DNAH17: variants seen among roughly 807,000 people sequenced by gnomAD.
The protein encoded by DNAH17 is dynein axonemal heavy chain 17, also known as axonemal beta dynein heavy chain 17.
DNAH17 carries 376 observed loss-of-function variants against 485.6 expected under a neutral mutation model. That is an observed-to-expected ratio of 0.77 (90% CI 0.71 to 0.84). DNAH17 has a LOEUF of 0.84. DNAH17 is among the 40% of genes least tolerant of loss of function. The probability of loss-of-function intolerance (pLI) is 0.00; values close to 1 mark genes in which losing one functional copy is unlikely to be tolerated. For missense variants in DNAH17, 6,370 were observed against 5,839.3 expected (o/e 1.09, Z -2.96); for synonymous variants, 3,031 against 2,405.9 (o/e 1.26, Z -7.60).
chr17:78,423,855 G>A lies in DNAH17; in HGVS notation c.*51C>T. ...TAAGTCACAGGTGCACAGGTGAAGG[G>A]CTGAGTTGTGGTCCAGCCCCAGGGA... On this transcript the variant is annotated 3_prime_UTR_variant, in exon 81 of 81. Transcript: ENST00000389840. 1 of 1,604,182 alleles carries A rather than the reference G, an allele frequency of 6.2e-7. No homozygotes were observed. Among genetic ancestry groups the A allele is most frequent in the Non-Finnish European group, 8.5e-7 (1 of 1,173,418 alleles).
chr17:78,534,205 G>C (rs747803823), intron 19 of DNAH17, among the ~76,000 whole-genome samples: 7 of 152,218 alleles, frequency 4.6e-5, no homozygotes, highest in Non-Finnish European at 8.8e-5. Flanking sequence ...CCAGACAACT[G>C]AAGACAGCCT....
chr17:78,508,966 G>A (rs1405915788), intron 27 of DNAH17, among the ~76,000 whole-genome samples: 1 of 110,878 alleles, frequency 9.0e-6, no homozygotes. Flanking sequence ...CATGTGCCCA[G>A]CTGTTTTTTT....
chr17:78,562,308 G>C (rs1267637834), intron 11 of DNAH17, among the ~76,000 whole-genome samples: 1 of 152,132 alleles, frequency 6.6e-6, no homozygotes, highest in Non-Finnish European at 1.5e-5. Context: ...AATAGGCTGA[G>C]CACCATGGCT....
rs759905197 is a variant in DNAH17, at chr17:78,427,090, C to T, written c.12607G>A (p.Asp4203Asn). 32 of 1,578,068 alleles carry T rather than the reference C, an allele frequency of 2.0e-5. No homozygotes were observed. The highest frequency in any genetic ancestry group is 1.7e-4 in the Middle Eastern group (1 of 6,048). Residue 4203 changes from aspartate (D) to asparagine (N), a missense_variant, in exon 78 of 81, where the codon GAC becomes AAC. Transcript: ENST00000389840. ...REEKVKAVLD[D>N]ILEKIPETFN... is the part of the protein sequence containing the mutation. ...GTCTCCGGAATCTTCTCCAGGATGT[C>T]GTCCAGCACGGCCTTCACCTGGAAG...
In DNAH17 at chr17:78,494,456, C is replaced by G. The variant is rs2089991051; in HGVS notation, c.6270+137G>C. 6 of 1,066,802 alleles carry G rather than the reference C, an allele frequency of 5.6e-6. No homozygotes were observed. In the Admixed American group the frequency reaches 1.5e-4, roughly 26 times the overall value. 66.1% of individuals were successfully genotyped at this position (1,066,802 alleles called of 1,614,324 possible). A position where few individuals can be genotyped will look rare whatever the true frequency, so the allele number is the denominator to read the frequency against. On this transcript the variant is annotated intron_variant, in intron 40 of 80. Coordinates refer to ENST00000389840, the MANE Select transcript of DNAH17 (RefSeq NM_173628.4). ...GGGCTGGCCAGGGCCACGGAGGCAG[C>G]TGTGGCTCAGAGGTCTCTTTGTAGC...
At chr17:78,458,799 G>T in intron 61 of DNAH17, 119 bp from the exon 62 acceptor site, 2 of 1,100,362 alleles carry the variant, frequency 1.8e-6, no homozygotes, top group South Asian at 2.7e-5. Flanking sequence ...CACAAAGGCT[G>T]AGAGCCCTCT....
chr17:78,573,335 T>G lies in DNAH17; in HGVS notation c.346-441A>C, dbSNP rs763580431. On this transcript the variant is annotated intron_variant, in intron 2 of 80. Transcript: ENST00000389840. ...AGTAAGGGCTGGGGGCGGTAGCTCA[T>G]ACCTGTAAATCCTAGGACTTAGGGA... Among the ~76,000 whole-genome samples, 4 of 152,212 alleles carry G rather than the reference T, an allele frequency of 2.6e-5. No individual in the cohort carries two copies. In the East Asian group the frequency reaches 7.8e-4, roughly 30 times the overall value.
At chr17:78,449,641 T>C in intron 68 of DNAH17, 57 bp from the exon 69 acceptor site, 2 of 1,493,528 alleles carry the variant, frequency 1.3e-6, no homozygotes, top group Admixed American at 4.1e-5. Context: ...CCTTCACCAC[T>C]CCCCGCCACC....
At chr17:78,518,379 G>C (rs1195904348) in intron 25 of DNAH17, among the ~76,000 whole-genome samples, 1 of 152,242 alleles carries the variant, frequency 6.6e-6, no homozygotes, top group African/African-American at 2.4e-5. Flanking sequence ...CAACCTTAGA[G>C]CAAAGAAAAT....
At chr17:78,518,638 CAACT>C (rs989950647) in intron 25 of DNAH17, among the ~76,000 whole-genome samples, 30 of 152,252 alleles carry the variant, frequency 2.0e-4, no homozygotes, top group Middle Eastern at 3.4e-3. Context: ...ACAACACAAC[CAACT>C]GACAGGATCT....
chr17:78,442,769 G>T (rs955395795), intron 71 of DNAH17, among the ~76,000 whole-genome samples: 3 of 151,288 alleles, frequency 2.0e-5, no homozygotes, highest in Non-Finnish European at 4.4e-5. Flanking sequence ...CATGGAAATT[G>T]GCACATGCTG....
At chr17:78,484,610 T>A (rs1198250643) in intron 48 of DNAH17, among the ~76,000 whole-genome samples, 3 of 151,996 alleles carry the variant, frequency 2.0e-5, no homozygotes, top group Non-Finnish European at 4.4e-5. Flanking sequence ...CACTGCTGCA[T>A]GTTTGTGAAA....
At chr17:78,461,482 G>T in intron 58 of DNAH17, 62 bp downstream of exon 58, 1 of 1,433,312 alleles carries the variant, frequency 7.0e-7, no homozygotes, top group Admixed American at 2.8e-5. Flanking sequence ...ACACGTGGAA[G>T]CCCAGGAGGC....
chr17:78,555,521 G>T lies in DNAH17; in HGVS notation c.2178+2587C>A, dbSNP rs73999124. On this transcript the variant is annotated intron_variant, in intron 14 of 80. Coordinates refer to ENST00000389840, the MANE Select transcript of DNAH17 (RefSeq NM_173628.4). ...TGGGGAGCCCTGCCACGGCTGCCGG[G>T]GAGAGGAGCAAGATTCCGTCACAAA... Among the ~76,000 whole-genome samples the T allele has an allele frequency of 6.4e-3, 825 of 129,106 alleles. 13 individuals carry two copies. Among genetic ancestry groups the T allele is most frequent in the African/African-American group, 0.023 (788 of 33,570 alleles). 84.7% of individuals were successfully genotyped at this position (129,106 alleles called of 152,430 possible). A position where few individuals can be genotyped will look rare whatever the true frequency, so the allele number is the denominator to read the frequency against.
At chr17:78,437,545 G>A (rs1170241274) in intron 74 of DNAH17, 96 bp downstream of exon 74, 3 of 894,650 alleles carry the variant, frequency 3.4e-6, no homozygotes, top group Non-Finnish European at 5.1e-6. Context: ...TGTCCCCAGA[G>A]TTCAGAGCGG....
At position 78,468,597 on chromosome 17, in the gene DNAH17, G is replaced by C. The variant is rs1229969880; in HGVS notation, c.8778+20C>G. 4 of 1,605,838 alleles carry C rather than the reference G, an allele frequency of 2.5e-6. No homozygotes were observed. Among genetic ancestry groups the C allele is most frequent in the Non-Finnish European group, 3.4e-6 (4 of 1,175,166 alleles). On this transcript the variant is annotated intron_variant, in intron 55 of 80. Coordinates refer to ENST00000389840, the MANE Select transcript of DNAH17 (RefSeq NM_173628.4). ...CACCAAGCTGGGCTCTTGAGGCCCT[G>C]CCGAAGACGGGAGCCCCACCTTGAG... is the stretch of plus-strand genomic sequence containing the variant.
At chr17:78,526,762 A>G in intron 23 of DNAH17, 25 bp from the exon 24 acceptor site, 2 of 1,588,514 alleles carry the variant, frequency 1.3e-6, no homozygotes, top group Non-Finnish European at 1.7e-6. Context: ...TGCAAAGTAC[A>G]GAGAGTCACG....
At chr17:78,562,012 C>T in intron 11 of DNAH17, 32 bp from the exon 12 acceptor site, 1 of 1,535,812 alleles carries the variant, frequency 6.5e-7, no homozygotes, top group South Asian at 1.3e-5. Flanking sequence ...GCCTCTTCAC[C>T]ACAGTCTCCT....
At chr17:78,425,007 G>A in intron 80 of DNAH17, 1 of 200,476 alleles carries the variant, frequency 5.0e-6, no homozygotes, top group Non-Finnish European at 1.0e-5. Context: ...TCTGCCCTGG[G>A]CTGACTGCTC....
Sources: gnomAD v4.1 joint callset for allele counts (sites outside exome capture counted in the v4.1 genomes callset) on GRCh38, gnomAD v4.1.1 for gene constraint, MANE v1.5 for transcripts, NCBI Gene and HGNC (gene_info 2026-07-23, HGNC 2026-07-21) for gene names.